Variants in CHRM3 observed in about 807,000 individuals in gnomAD.
CHRM3 encodes the protein cholinergic receptor muscarinic 3, also known as muscarinic acetylcholine receptor M3.
In CHRM3, 11 loss-of-function variants were observed where a neutral mutation model predicts 41.8. The ratio of observed to expected loss-of-function variants is 0.26; its 90% CI spans 0.17 to 0.44. The LOEUF (loss-of-function observed/expected upper bound fraction) is 0.44, where lower values mean the gene tolerates loss of function less well. Among genes scored for constraint, CHRM3 ranks in the 20% least tolerant of loss-of-function variants. CHRM3 has a pLI of 1.00. For synonymous variants in CHRM3, 297 were observed against 301.4 expected (o/e 0.99, Z 0.15); for missense variants, 571 against 745.4 (o/e 0.77, Z 2.72).
At chr1:239,587,361 C>T (rs996946429) in intron 3 of CHRM3, among the ~76,000 whole-genome samples, 3 of 152,198 alleles carry the variant, frequency 2.0e-5, no homozygotes, top group African/African-American at 7.2e-5. Context: ...TCATTTACGT[C>T]AGCTTCTTTC....
chr1:239,464,298 A>T (rs1481491086), intron 1 of CHRM3, among the ~76,000 whole-genome samples: 13 of 150,262 alleles, frequency 8.7e-5, no homozygotes, highest in South Asian at 2.1e-4. Context: ...AAAAAAAAAA[A>T]GTTCAGCTGT....
At chr1:239,559,203 C>G (rs894554540) in intron 3 of CHRM3, among the ~76,000 whole-genome samples, 1 of 152,166 alleles carries the variant, frequency 6.6e-6, no homozygotes, top group Non-Finnish European at 1.5e-5. Context: ...ACTAGCAAAG[C>G]AGGCTGTCTC....
At chr1:239,543,243 C>T (rs1658952813) in intron 2 of CHRM3, among the ~76,000 whole-genome samples, 1 of 152,200 alleles carries the variant, frequency 6.6e-6, no homozygotes, top group South Asian at 2.1e-4. Context: ...CTCATTGCCT[C>T]AGCTTGTGGG....
chr1:239,837,595 A>T (rs1673433437), intron 6 of CHRM3, among the ~76,000 whole-genome samples: 1 of 152,258 alleles, frequency 6.6e-6, no homozygotes, highest in Non-Finnish European at 1.5e-5. Flanking sequence ...CTTAAGGTGA[A>T]GCACAGCAGT....
intron 6 of CHRM3, among the ~76,000 whole-genome samples, chr1:239,828,393 T>C (rs1304494431): frequency 6.6e-6 from 1 of 152,154 alleles, no homozygotes; most frequent in Admixed American, 6.6e-5. Context: ...CACACAGGTG[T>C]ATATATACAC....
Position 239,909,399 on chromosome 1 carries a change from G to T in CHRM3, c.*175G>T. ...GAATAAACCCATTTTAATAGAAAAA[G>T]TCAATACCAATTCAGCAAAAAGAAA... On this transcript the variant is annotated 3_prime_UTR_variant, in exon 7 of 7. Coordinates refer to ENST00000676153, the MANE Select transcript of CHRM3 (RefSeq NM_001375978.1). 8 of 503,484 alleles carry T rather than the reference G, an allele frequency of 1.6e-5. No homozygotes were observed. The highest frequency in any genetic ancestry group is 2.4e-5 in the Non-Finnish European group (7 of 290,574). The allele number at this position is 503,484 out of a possible 1,614,324, so 31.2% of individuals were successfully genotyped here.
In CHRM3 at chr1:239,538,485, G is replaced by A. The variant is rs945179461; in HGVS notation, c.-421-7156G>A. Among the ~76,000 whole-genome samples the A allele has an allele frequency of 5.9e-5, 9 of 152,024 alleles. 1 individual carries two copies. The highest frequency in any genetic ancestry group is 2.2e-4 in the African/African-American group (9 of 41,394). On this transcript the variant is annotated intron_variant, in intron 2 of 6. Coordinates refer to ENST00000676153, the MANE Select transcript of CHRM3 (RefSeq NM_001375978.1). ...ACTCTTTATCCCCTGCCTGCCAAAG[G>A]GCTGTTTCAACCCAATTAGATCATG...
rs548245475 is a variant in CHRM3 at position 239,548,849 on chromosome 1, A to T, written c.-313+3100A>T. ...GTATTAGGATTTAGAATGTAATAAA[A>T]GGAAAAAAGCAAGGTTATGCGGTTG... On this transcript the variant is annotated intron_variant, in intron 3 of 6. Coordinates refer to ENST00000676153, the MANE Select transcript of CHRM3 (RefSeq NM_001375978.1). Among the ~76,000 whole-genome samples, 14 of 152,360 alleles carry T rather than the reference A, an allele frequency of 9.2e-5. No homozygotes were observed. In the South Asian group the frequency reaches 1.9e-3, roughly 20 times the overall value.
intron 2 of CHRM3, among the ~76,000 whole-genome samples, chr1:239,501,039 T>C (rs1394973860): frequency 6.6e-6 from 1 of 152,192 alleles, no homozygotes; most frequent in Non-Finnish European, 1.5e-5. Context: ...AGAGGTACAT[T>C]ATATAATGGT....
At chr1:239,568,219 G>A (rs1363266145) in intron 3 of CHRM3, among the ~76,000 whole-genome samples, 1 of 152,134 alleles carries the variant, frequency 6.6e-6, no homozygotes, top group Non-Finnish European at 1.5e-5. Flanking sequence ...TGGTTTGGCT[G>A]TGTCCCCATT....
At chr1:239,670,458 G>C (rs1240911542) in intron 4 of CHRM3, among the ~76,000 whole-genome samples, 1 of 151,972 alleles carries the variant, frequency 6.6e-6, no homozygotes, top group Non-Finnish European at 1.5e-5. Context: ...AGATTCCATT[G>C]CATGACAGTA....
At chr1:239,808,396 G>A (rs1670832564) in intron 5 of CHRM3, among the ~76,000 whole-genome samples, 1 of 152,084 alleles carries the variant, frequency 6.6e-6, no homozygotes, top group Non-Finnish European at 1.5e-5. Flanking sequence ...TTGGACATAC[G>A]AACAAAGGGA....
At chr1:239,550,761 T>C (rs1659735037) in intron 3 of CHRM3, among the ~76,000 whole-genome samples, 1 of 152,116 alleles carries the variant, frequency 6.6e-6, no homozygotes, top group African/African-American at 2.4e-5. Flanking sequence ...TTAAGCTCTA[T>C]TGATTGATTG....
chr1:239,603,507 A>G (rs796319635), intron 3 of CHRM3, among the ~76,000 whole-genome samples: 30 of 152,198 alleles, frequency 2.0e-4, no homozygotes, highest in African/African-American at 7.2e-4. Context: ...TTCAGTTAGC[A>G]TTTGGAAGGA....
At chr1:239,631,411 C>T (rs763754812) in intron 3 of CHRM3, among the ~76,000 whole-genome samples, 10 of 152,070 alleles carry the variant, frequency 6.6e-5, no homozygotes, top group South Asian at 6.2e-4. Flanking sequence ...TTGGTGTCAC[C>T]GTCACCATGC....
chr1:239,683,517 C>A (rs1054978739), intron 5 of CHRM3, among the ~76,000 whole-genome samples: 1 of 152,154 alleles, frequency 6.6e-6, no homozygotes, highest in Non-Finnish European at 1.5e-5. Flanking sequence ...TTTCTTTTCA[C>A]CATTATTTTC....
chr1:239,779,593 G>A (rs140405360), intron 5 of CHRM3, among the ~76,000 whole-genome samples: 2 of 152,296 alleles, frequency 1.3e-5, no homozygotes, highest in African/African-American at 2.4e-5. Context: ...AAATTAGCCA[G>A]GCATGGTGGC....
At chr1:239,402,911 A>G (rs1409730259) in intron 1 of CHRM3, among the ~76,000 whole-genome samples, 1 of 152,234 alleles carries the variant, frequency 6.6e-6, no homozygotes, top group East Asian at 1.9e-4. Context: ...AGTACTGAGC[A>G]TGAGGCAAAT....
chr1:239,872,512 A>C (rs1253570146), intron 6 of CHRM3, among the ~76,000 whole-genome samples: 1 of 152,164 alleles, frequency 6.6e-6, no homozygotes, highest in Non-Finnish European at 1.5e-5. Context: ...AATCAGCACC[A>C]CAGAAGAGCA....
Sources: gnomAD v4.1 joint callset for allele counts (sites outside exome capture counted in the v4.1 genomes callset) on GRCh38, gnomAD v4.1.1 for gene constraint, MANE v1.5 for transcripts, NCBI Gene and HGNC (gene_info 2026-07-23, HGNC 2026-07-21) for gene names.